The following ITFG1 variants were observed in gnomAD, a reference collection of about 807,000 sequenced individuals.
ITFG1 encodes T-cell immunomodulatory protein.
A neutral mutation model predicts 81.8 loss-of-function variants in ITFG1; 34 were observed. The ratio of observed to expected loss-of-function variants is 0.42; its 90% CI spans 0.32 to 0.55. The LOEUF is 0.55. ITFG1 is among the 20% of genes least tolerant of loss of function. The pLI is 0.17. For synonymous variants in ITFG1, 285 were observed against 270.6 expected (o/e 1.05, Z -0.52); for missense variants, 672 against 755.4 (o/e 0.89, Z 1.29).
At chr16:47,236,162 A>G (rs1273273941) in intron 13 of ITFG1, among the ~76,000 whole-genome samples, 12 of 152,198 alleles carry the variant, frequency 7.9e-5, no homozygotes, top group Non-Finnish European at 1.8e-4. Context: ...GGAGACAGGA[A>G]GCCTTATGGA....
intron 13 of ITFG1, among the ~76,000 whole-genome samples, chr16:47,235,245 C>T (rs546220079): frequency 6.6e-6 from 1 of 151,748 alleles, no homozygotes; most frequent in South Asian, 2.1e-4. Context: ...ACTGGAAAGT[C>T]AGTGCTTTAT....
At chr16:47,226,631 T>C (rs1471993954) in intron 13 of ITFG1, among the ~76,000 whole-genome samples, 1 of 151,324 alleles carries the variant, frequency 6.6e-6, no homozygotes, top group Non-Finnish European at 1.5e-5. Flanking sequence ...TGTTTGGTTT[T>C]TTCTCCTTGC....
intron 5 of ITFG1, among the ~76,000 whole-genome samples, chr16:47,435,390 A>C (rs1387456513): frequency 2.0e-5 from 3 of 152,236 alleles, no homozygotes; most frequent in African/African-American, 7.2e-5. Context: ...GGTCATTCTA[A>C]GCCACACTGA....
chr16:47,160,479 T>C (rs1964786665), intron 16 of ITFG1, among the ~76,000 whole-genome samples: 1 of 152,136 alleles, frequency 6.6e-6, no homozygotes, highest in African/African-American at 2.4e-5. Flanking sequence ...CTGAGCTGTA[T>C]AGAAGTACCG....
At chr16:47,330,978 A>C (rs1444094481) in intron 8 of ITFG1, among the ~76,000 whole-genome samples, 1 of 152,152 alleles carries the variant, frequency 6.6e-6, no homozygotes, top group Non-Finnish European at 1.5e-5. Context: ...ATGTGTATAC[A>C]CTCAAAGGAA....
At chr16:47,269,264 T>C (rs1389100423) in intron 10 of ITFG1, among the ~76,000 whole-genome samples, 1 of 152,118 alleles carries the variant, frequency 6.6e-6, no homozygotes, top group South Asian at 2.1e-4. Flanking sequence ...AAAAATCATA[T>C]GAGATCTAGG....
intron 6 of ITFG1, among the ~76,000 whole-genome samples, chr16:47,388,422 C>T (rs1487878401): frequency 1.3e-5 from 2 of 151,884 alleles, no homozygotes; most frequent in Non-Finnish European, 2.9e-5. Flanking sequence ...ATGCTGAAAA[C>T]CAAAGAAAAA....
chr16:47,180,495 G>C (rs1965094401), intron 14 of ITFG1, among the ~76,000 whole-genome samples: 1 of 151,282 alleles, frequency 6.6e-6, no homozygotes, highest in Non-Finnish European at 1.5e-5. Flanking sequence ...TGATTCTCCT[G>C]CCTCAGCCTG....
At chr16:47,282,263 C>T (rs902478248) in intron 10 of ITFG1, among the ~76,000 whole-genome samples, 2 of 152,028 alleles carry the variant, frequency 1.3e-5, no homozygotes, top group African/African-American at 2.4e-5. Flanking sequence ...ACCCCCTCAG[C>T]CTTGCGAGTC....
chr16:47,168,331 T>C (rs1964918344), intron 14 of ITFG1, among the ~76,000 whole-genome samples: 1 of 152,186 alleles, frequency 6.6e-6, no homozygotes, highest in Admixed American at 6.5e-5. Context: ...TTATCAGAGA[T>C]AAGATTTGCA....
At chr16:47,413,356 G>C (rs185611229) in intron 6 of ITFG1, among the ~76,000 whole-genome samples, 2 of 152,320 alleles carry the variant, frequency 1.3e-5, no homozygotes, top group East Asian at 3.9e-4. Flanking sequence ...AGTTCTTTAA[G>C]GGAGTGCTAA....
intron 10 of ITFG1, among the ~76,000 whole-genome samples, chr16:47,282,471 T>C (rs528699503): frequency 6.6e-6 from 1 of 152,180 alleles, no homozygotes; most frequent in East Asian, 1.9e-4. Flanking sequence ...ATGATATATA[T>C]ATTTTTTTAT....
chr16:47,358,974 T>A (rs2151584517), intron 8 of ITFG1, among the ~76,000 whole-genome samples: 1 of 151,986 alleles, frequency 6.6e-6, no homozygotes, highest in East Asian at 1.9e-4. Flanking sequence ...GGTTTACAGT[T>A]TTAAATAGAG....
intron 8 of ITFG1, among the ~76,000 whole-genome samples, chr16:47,352,779 T>C (rs1967981670): frequency 6.6e-6 from 1 of 152,178 alleles, no homozygotes; most frequent in African/African-American, 2.4e-5. Context: ...TGCGACACTA[T>C]TCACAATAGC....
At chr16:47,345,807 T>C (rs976461179) in intron 8 of ITFG1, among the ~76,000 whole-genome samples, 1 of 152,192 alleles carries the variant, frequency 6.6e-6, no homozygotes, top group African/African-American at 2.4e-5. Flanking sequence ...GGGACTACCA[T>C]TGTATATGCG....
intron 7 of ITFG1, among the ~76,000 whole-genome samples, chr16:47,369,131 A>C (rs1175578564): frequency 6.6e-6 from 1 of 152,230 alleles, no homozygotes; most frequent in African/African-American, 2.4e-5. Flanking sequence ...ATCTCAATAG[A>C]TAATACATTT....
chr16:47,249,361 G>C (rs1292996191), intron 12 of ITFG1, among the ~76,000 whole-genome samples: 1 of 152,196 alleles, frequency 6.6e-6, no homozygotes, highest in Non-Finnish European at 1.5e-5. Context: ...AGAGGTTGTA[G>C]TGAGCCAAGA....
At chr16:47,446,596 C>T (rs1969327527) in intron 5 of ITFG1, among the ~76,000 whole-genome samples, 1 of 152,132 alleles carries the variant, frequency 6.6e-6, no homozygotes, top group Admixed American at 6.5e-5. Context: ...GTTGAACGCA[C>T]ACCTCCAGTC....
intron 10 of ITFG1, among the ~76,000 whole-genome samples, chr16:47,269,191 T>A (rs1426099019): frequency 6.6e-6 from 1 of 152,060 alleles, no homozygotes; most frequent in Non-Finnish European, 1.5e-5. Flanking sequence ...ACAAAGGACA[T>A]CCGGATTGGA....
Sources: gnomAD v4.1 joint callset for allele counts (sites outside exome capture counted in the v4.1 genomes callset) on GRCh38, gnomAD v4.1.1 for gene constraint, MANE v1.5 for transcripts, NCBI Gene and HGNC (gene_info 2026-07-23, HGNC 2026-07-21) for gene names.